The following UTP20 variants were observed in gnomAD, a reference collection of about 807,000 sequenced individuals.
UTP20 encodes small subunit processome component 20 homolog.
A neutral mutation model predicts 329.5 loss-of-function variants in UTP20; 164 were observed. The ratio of observed to expected loss-of-function variants is 0.50; its 90% CI spans 0.44 to 0.57. UTP20 has a LOEUF of 0.57. Among genes scored for constraint, UTP20 ranks in the 20% least tolerant of loss-of-function variants. The pLI is 0.00. For synonymous variants in UTP20, 1,151 were observed against 1,159.3 expected, an observed-to-expected ratio of 0.99 and a Z score of 0.14; for missense variants, 3,055 against 3,284.2, an observed-to-expected ratio of 0.93 and a Z score of 1.71.
chr12:101,289,761 A>G (rs1216805760), intron 6 of UTP20: 2 of 152,370 alleles, frequency 1.3e-5, no homozygotes, highest in Non-Finnish European at 2.9e-5. Flanking sequence ...TAAAATATTC[A>G]TAGTAAATTT....
chr12:101,291,391 C>T (rs574940800), intron 8 of UTP20: 1 of 166,910 alleles, frequency 6.0e-6, no homozygotes, highest in South Asian at 1.7e-4. Context: ...GCTGTCTCTA[C>T]TAAAAATACA....
At position 101,308,341 on chromosome 12, in the gene UTP20, G is replaced by C. The variant is rs370762874; in HGVS notation, c.2152G>C (p.Glu718Gln). ...TGCTGTCCCTGATGGGCCGTTACAGGAGGTAAAAATAGTGTTCTTTTATTT... is the reference window on the plus strand; with the variant it reads ...TGCTGTCCCTGATGGGCCGTTACAGCAGGTAAAAATAGTGTTCTTTTATTT... ...QTAVPDGPLQEVPLRYLLGML... is the reference protein window; with the variant it reads ...QTAVPDGPLQQVPLRYLLGML... Residue 718 changes from glutamate (E) to glutamine (Q), a missense_variant and splice_region_variant, in exon 18 of 62, where the codon GAG (glutamate) becomes CAG (glutamine). Coordinates refer to ENST00000261637, the MANE Select transcript of UTP20 (RefSeq NM_014503.3). 1.5e-5 allele frequency: 22 copies of C among 1,500,826 alleles called. No homozygotes were observed. The African/African-American group carries it at 2.8e-4, about 19-fold the overall frequency. 93.0% of individuals were successfully genotyped at this position (1,500,826 alleles called of 1,614,324 possible).
At chr12:101,293,317 C>A in intron 11 of UTP20, 72 bp downstream of exon 11, 1 of 1,389,442 alleles carries the variant, frequency 7.2e-7, no homozygotes, top group South Asian at 1.2e-5. Flanking sequence ...AATTTGAAAT[C>A]CTGTTATTTC....
intron 28 of UTP20, 98 bp downstream of exon 28, chr12:101,333,542 G>T: frequency 6.9e-7 from 1 of 1,442,196 alleles, no homozygotes. Flanking sequence ...ATGCTTACCT[G>T]GGTCTTTCCT....
At chr12:101,298,765 TAATTA>T (rs1370058842) in intron 12 of UTP20, among the ~76,000 whole-genome samples, 18 of 152,228 alleles carry the variant, frequency 1.2e-4, no homozygotes, top group African/African-American at 4.1e-4. Flanking sequence ...AAGGAATTGA[TAATTA>T]AATTAACTTA....
chr12:101,280,595 G>A (rs1871764291), intron 1 of UTP20, among the ~76,000 whole-genome samples: 1 of 152,234 alleles, frequency 6.6e-6, no homozygotes, highest in Non-Finnish European at 1.5e-5. Flanking sequence ...TATTCCAGGA[G>A]ATTGCTTAGG....
At position 101,368,699 on chromosome 12, in the gene UTP20, C is replaced by T. The variant is rs60676776; in HGVS notation, c.6384+723C>T. Among the ~76,000 whole-genome samples the T allele has an allele frequency of 4.3e-3, 660 of 152,252 alleles. 6 individuals carry two copies. The highest frequency in any genetic ancestry group is 0.015 in the African/African-American group (614 of 41,544). ...TCCCAAGAACATTATTTCTGATCCTCACAACCACCCCTGAGGCATATATTC... is the reference window on the plus strand; with the variant it reads ...TCCCAAGAACATTATTTCTGATCCTTACAACCACCCCTGAGGCATATATTC... On this transcript the variant is annotated intron_variant, in intron 48 of 61. Transcript: ENST00000261637.
At chr12:101,333,163 A>G (rs1429385410) in intron 27 of UTP20, 138 bp from the exon 28 acceptor site, 4 of 803,322 alleles carry the variant, frequency 5.0e-6, no homozygotes, top group East Asian at 5.4e-5. Flanking sequence ...TGGTGTTCCC[A>G]TGTAAATCAA....
Position 101,381,142 on chromosome 12 carries a change from G to T in UTP20, c.7587G>T (p.Met2529Ile). 6.2e-7 allele frequency: 1 copy of T among 1,613,422 alleles called. No homozygotes were observed. The highest frequency in any genetic ancestry group is 2.2e-5 in the East Asian group (1 of 44,884). ...CAATGTCCATTTTCTTTTCACAGAT[G>T]AAAAGTATCTCTCTCGCCTCTTGCC... The part of the protein sequence containing the change: ...KFLASDLDQK[M>I]KSISLASCHQ... The change falls in exon 58 of 62, where the codon ATG becomes ATT. Residue 2529 changes from methionine to isoleucine, a missense_variant and splice_region_variant. Met to Ile is a conservative substitution (Grantham distance 10, BLOSUM62 1). Around this residue, in one of 3 missense-constraint regions of UTP20, gnomAD observed 337 missense variants for 345.5 expected, o/e 0.98. Coordinates refer to ENST00000261637, the MANE Select transcript of UTP20 (RefSeq NM_014503.3).
At chr12:101,341,216 G>A (rs530698373) in intron 32 of UTP20, among the ~76,000 whole-genome samples, 45 of 152,020 alleles carry the variant, frequency 3.0e-4, no homozygotes, top group Non-Finnish European at 3.8e-4. Flanking sequence ...GACCTCGGGT[G>A]ATCTGCCCGC....
chr12:101,309,630 G>T, intron 18 of UTP20, 133 bp from the exon 19 acceptor site: 1 of 732,454 alleles, frequency 1.4e-6, no homozygotes, highest in South Asian at 2.3e-5. Flanking sequence ...ATTGGTGCCT[G>T]CAACTTTTTT....
At chr12:101,367,144 G>C (rs559963656) in intron 47 of UTP20, among the ~76,000 whole-genome samples, 19 of 152,038 alleles carry the variant, frequency 1.2e-4, no homozygotes, top group African/African-American at 4.1e-4. Context: ...AATTAGCCAG[G>C]CATGATGGCA....
intron 23 of UTP20, among the ~76,000 whole-genome samples, chr12:101,320,471 G>A (rs905204930): frequency 4.0e-5 from 6 of 151,872 alleles, no homozygotes; most frequent in African/African-American, 7.3e-5. Flanking sequence ...CAGGAGAATC[G>A]TTTGAACCCA....
In UTP20 at chr12:101,280,299, T is replaced by C. The variant is rs1431115269; in HGVS notation, c.17T>C (p.Val6Ala). Residue 6 changes from valine (V) to alanine (A), a missense_variant, in exon 1 of 62, where the codon GTT becomes GCT. Coordinates refer to ENST00000261637, the MANE Select transcript of UTP20 (RefSeq NM_014503.3). ...TCTGCAGCCATGAAGACAAAGCCCG[T>C]TTCCCACAAGACCGAGAACACCTAC... MKTKP[V>A]SHKTENTYRF... 1 of 1,551,624 alleles carries C rather than the reference T, an allele frequency of 6.4e-7. No homozygotes were observed.
At chr12:101,366,839 T>G in intron 47 of UTP20, 140 bp downstream of exon 47, 1 of 962,372 alleles carries the variant, frequency 1.0e-6, no homozygotes, top group Non-Finnish European at 1.5e-6. Context: ...TTTTTACAGG[T>G]GCATTGGTCC....
intron 8 of UTP20, 136 bp from the exon 9 acceptor site, chr12:101,291,606 G>T: frequency 1.5e-6 from 1 of 664,764 alleles, no homozygotes; most frequent in Admixed American, 4.0e-5. Flanking sequence ...GTTATCGTTA[G>T]TGAGTCCTGG....
At chr12:101,287,565 TA>T (rs1872000566) in intron 5 of UTP20, among the ~76,000 whole-genome samples, 1 of 152,244 alleles carries the variant, frequency 6.6e-6, no homozygotes, top group Non-Finnish European at 1.5e-5. Flanking sequence ...CTCTTATCTG[TA>T]CATTCATTCA....
chr12:101,376,074 A>G (rs1870461336), intron 56 of UTP20, among the ~76,000 whole-genome samples: 1 of 152,126 alleles, frequency 6.6e-6, no homozygotes, highest in Non-Finnish European at 1.5e-5. Context: ...AACTGTATAT[A>G]TTTATGGTGT....
At chr12:101,360,379 A>G (rs1402721343) in intron 43 of UTP20, among the ~76,000 whole-genome samples, 1 of 152,186 alleles carries the variant, frequency 6.6e-6, no homozygotes, top group Non-Finnish European at 1.5e-5. Context: ...GTCTCAAAAT[A>G]TGTATGTTAA....
Sources: gnomAD v4.1 joint callset for allele counts (sites outside exome capture counted in the v4.1 genomes callset) on GRCh38, gnomAD v4.1.1 for gene constraint, gnomAD v4.1.1 regional missense constraint, MANE v1.5 for transcripts, NCBI Gene and HGNC (gene_info 2026-07-23, HGNC 2026-07-21) for gene names.